Variants in CADM2 observed in about 807,000 individuals in gnomAD.
The protein encoded by CADM2 is cell adhesion molecule 2, also known as immunoglobulin superfamily member 4D.
In CADM2, 12 loss-of-function variants were observed where a neutral mutation model predicts 49.8. That is an observed-to-expected ratio of 0.24 (90% CI 0.15 to 0.39). CADM2 has a LOEUF of 0.39. Ranked by LOEUF, CADM2 falls within the 10% of genes least tolerant of loss-of-function variation. The pLI is 1.00. For synonymous variants in CADM2, 214 were observed against 175.4 expected (o/e 1.22, Z -1.74); for missense variants, 378 against 492.3 (o/e 0.77, Z 2.20).
In CADM2 at chr3:85,371,055, G is replaced by T. The variant is rs149017362; in HGVS notation, c.62-355467G>T. ...TAACGTGTTGTGTTATAAGTAAAAT[G>T]GTAGAAAAAAGTCAAAAAAATTCTA... On this transcript the variant is annotated intron_variant, in intron 1 of 9. Transcript: ENST00000383699. Among the ~76,000 whole-genome samples the T allele has an allele frequency of 9.2e-4, 140 of 151,830 alleles. 1 individual carries two copies. Among genetic ancestry groups the T allele is most frequent in the African/African-American group, 3.3e-3 (137 of 41,390 alleles).
At chr3:84,992,343 C>T (rs2032938473) in intron 1 of CADM2, among the ~76,000 whole-genome samples, 1 of 152,104 alleles carries the variant, frequency 6.6e-6, no homozygotes, top group Non-Finnish European at 1.5e-5. Flanking sequence ...TGCTATTTAA[C>T]ATTCAGAAAG....
chr3:85,521,631 A>G (rs2061027779), intron 1 of CADM2, among the ~76,000 whole-genome samples: 1 of 152,156 alleles, frequency 6.6e-6, no homozygotes, highest in South Asian at 2.1e-4. Flanking sequence ...AAAGCCCCTT[A>G]ATTATTATTT....
chr3:85,347,223 C>CAAAAAAAAAA lies in CADM2; in HGVS notation c.62-379281_62-379272dup, dbSNP rs11331703. ...GTCAACAGAGTGACACTCTGTCTCA[C>CAAAAAAAAAA]AAAAAAAAAAAAAAAAAAAAAAAAA... On this transcript the variant is annotated intron_variant, in intron 1 of 9. Coordinates refer to ENST00000383699, the MANE Select transcript of CADM2 (RefSeq NM_001167675.2). Among the ~76,000 whole-genome samples the CAAAAAAAAAA allele has an allele frequency of 6.1e-4, 28 of 46,150 alleles. 2 individuals are homozygous for CAAAAAAAAAA. The highest frequency in any genetic ancestry group is 8.6e-4 in the Admixed American group (2 of 2,324). The allele number at this position is 46,150 out of a possible 152,430, so 30.3% of individuals were successfully genotyped here.
chr3:85,386,305 C>T (rs1230494449), intron 1 of CADM2, among the ~76,000 whole-genome samples: 1 of 151,980 alleles, frequency 6.6e-6, no homozygotes, highest in African/African-American at 2.4e-5. Flanking sequence ...GAACGTGGTC[C>T]AACCTTAGCA....
At chr3:86,020,334 G>A (rs1282311721) in intron 8 of CADM2, among the ~76,000 whole-genome samples, 4 of 151,660 alleles carry the variant, frequency 2.6e-5, no homozygotes, top group African/African-American at 9.7e-5. Context: ...CTGAAATTGT[G>A]GCAATAATCA....
chr3:85,556,412 G>A (rs79012666), intron 1 of CADM2, among the ~76,000 whole-genome samples: 7,677 of 152,072 alleles, frequency 0.05, 659 homozygotes, highest in African/African-American at 0.17. Context: ...GTTCAAACCT[G>A]TTTTGCTCAA....
chr3:84,970,363 G>A (rs369785908), intron 1 of CADM2, among the ~76,000 whole-genome samples: 135 of 151,212 alleles, frequency 8.9e-4, no homozygotes, highest in African/African-American at 3.1e-3. Flanking sequence ...CTGGAAACTC[G>A]AAACCAAGGG....
chr3:85,224,281 T>C (rs2042103405), intron 1 of CADM2, among the ~76,000 whole-genome samples: 1 of 152,180 alleles, frequency 6.6e-6, no homozygotes, highest in Admixed American at 6.5e-5. Flanking sequence ...TCCTGACTTT[T>C]AGTGATCACC....
intron 1 of CADM2, among the ~76,000 whole-genome samples, chr3:85,289,457 G>C (rs1342248480): frequency 6.6e-6 from 1 of 152,176 alleles, no homozygotes; most frequent in Middle Eastern, 3.2e-3. Flanking sequence ...GCTTGCAATA[G>C]ACTGTTAAGA....
chr3:86,039,543 C>T (rs1323580184), intron 8 of CADM2, among the ~76,000 whole-genome samples: 5 of 152,112 alleles, frequency 3.3e-5, no homozygotes, highest in African/African-American at 1.2e-4. Context: ...GGGAGGGGTG[C>T]CCACCATTGC....
intron 2 of CADM2, among the ~76,000 whole-genome samples, chr3:85,770,005 A>T (rs1294301221): frequency 6.6e-6 from 1 of 151,988 alleles, no homozygotes; most frequent in African/African-American, 2.4e-5. Context: ...CAAACAAAAA[A>T]AACAGCATTT....
chr3:85,318,658 A>G (rs1287391286), intron 1 of CADM2, among the ~76,000 whole-genome samples: 3 of 152,186 alleles, frequency 2.0e-5, no homozygotes. Flanking sequence ...GAATATTTTT[A>G]AAAAGTTAAA....
intron 2 of CADM2, among the ~76,000 whole-genome samples, chr3:85,791,547 A>C (rs1356714980): frequency 1.6e-5 from 2 of 127,780 alleles, no homozygotes; most frequent in African/African-American, 7.0e-5. Context: ...AGAGAGAAAG[A>C]GAGAGAGAGA....
rs2033978136 is a variant in CADM2, at chr3:85,011,201, T to C, written c.61+51533T>C. 2.0e-5 allele frequency among the ~76,000 whole-genome samples: 3 copies of C among 152,100 alleles called. No homozygotes were observed. The South Asian group carries it at 6.2e-4, about 31-fold the overall frequency. On this transcript the variant is annotated intron_variant, in intron 1 of 9. Coordinates refer to ENST00000383699, the MANE Select transcript of CADM2 (RefSeq NM_001167675.2). ...TTTTTTGTTGTTATTGTTGGCACTT[T>C]TATTTTGACTTATAGTATAGTTTTC... is the stretch of plus-strand genomic sequence containing the variant.
chr3:85,356,758 C>T (rs1042239293), intron 1 of CADM2, among the ~76,000 whole-genome samples: 3 of 152,090 alleles, frequency 2.0e-5, no homozygotes, highest in Non-Finnish European at 4.4e-5. Flanking sequence ...ATAACTATGA[C>T]ATTCTATTTC....
intron 8 of CADM2, among the ~76,000 whole-genome samples, chr3:86,043,608 T>G (rs1168191543): frequency 1.3e-5 from 2 of 152,182 alleles, no homozygotes; most frequent in Admixed American, 6.5e-5. Flanking sequence ...GTAGGAAGAA[T>G]CAATATCGTG....
rs550513174 is a variant in CADM2, at chr3:85,441,060, A to T, written c.62-285462A>T. Among the ~76,000 whole-genome samples the T allele has an allele frequency of 2.0e-5, 3 of 152,212 alleles. No individual in the cohort carries two copies. The South Asian group carries it at 6.2e-4, about 32-fold the overall frequency. ...ATAATACCAATATTTTAATTATTAG[A>T]TTTTTTAAATATACATAAACACATA... is the stretch of plus-strand genomic sequence containing the variant. On this transcript the variant is annotated intron_variant, in intron 1 of 9. Transcript: ENST00000383699.
intron 2 of CADM2, among the ~76,000 whole-genome samples, chr3:85,791,674 A>G (rs2071346127): frequency 6.6e-6 from 1 of 152,094 alleles, no homozygotes; most frequent in Admixed American, 6.5e-5. Flanking sequence ...TCATTTAAAC[A>G]TGTGTTGCCT....
chr3:85,091,739 G>T (rs1288287036), intron 1 of CADM2, among the ~76,000 whole-genome samples: 1 of 152,054 alleles, frequency 6.6e-6, no homozygotes, highest in Non-Finnish European at 1.5e-5. Context: ...ATTGAAAATT[G>T]TTCAAATATA....
Sources: gnomAD v4.1 joint callset for allele counts (sites outside exome capture counted in the v4.1 genomes callset) on GRCh38, gnomAD v4.1.1 for gene constraint, MANE v1.5 for transcripts, NCBI Gene and HGNC (gene_info 2026-07-23, HGNC 2026-07-21) for gene names.